Variants in VWC2 observed in about 807,000 individuals in gnomAD.
The protein encoded by VWC2 is brorin.
A neutral mutation model predicts 29.8 loss-of-function variants in VWC2; 14 were observed. That is an observed-to-expected ratio of 0.47 (90% CI 0.31 to 0.74). The LOEUF (loss-of-function observed/expected upper bound fraction) is 0.74. Ranked by LOEUF, VWC2 falls within the 30% of genes least tolerant of loss-of-function variation. VWC2 has a pLI of 0.05. For synonymous variants in VWC2, 213 were observed against 199.0 expected (o/e 1.07, Z -0.59); for missense variants, 457 against 459.8 (o/e 0.99, Z 0.05).
chr7:49,877,237 C>T (rs1232290456), intron 3 of VWC2, among the ~76,000 whole-genome samples: 1 of 150,998 alleles, frequency 6.6e-6, no homozygotes, highest in Non-Finnish European at 1.5e-5. Flanking sequence ...CGAAGCAGGT[C>T]GATCACCTGA....
chr7:49,803,779 T>G (rs1009692974), intron 3 of VWC2, among the ~76,000 whole-genome samples: 7 of 152,120 alleles, frequency 4.6e-5, no homozygotes, highest in African/African-American at 1.2e-4. Context: ...GTCATGGTGC[T>G]CAGACAATTC....
At chr7:49,902,284 TA>T (rs972782736) in intron 3 of VWC2, among the ~76,000 whole-genome samples, 13 of 151,400 alleles carry the variant, frequency 8.6e-5, no homozygotes, top group African/African-American at 9.7e-5. Context: ...GCAAAAGACA[TA>T]AAAAAAACTG....
intron 2 of VWC2, among the ~76,000 whole-genome samples, chr7:49,783,680 A>G (rs1448581782): frequency 1.3e-5 from 2 of 152,206 alleles, no homozygotes; most frequent in African/African-American, 2.4e-5. Flanking sequence ...GAAAAGGATG[A>G]TGTCAGGCCT....
intron 2 of VWC2, among the ~76,000 whole-genome samples, chr7:49,782,169 C>CA (rs1385056191): frequency 2.0e-5 from 3 of 152,216 alleles, no homozygotes; most frequent in African/African-American, 7.2e-5. Flanking sequence ...AGCCATCTGT[C>CA]AGAGCTGGGC....
chr7:49,841,872 C>CT lies in VWC2; in HGVS notation c.826+39043dup, dbSNP rs913175318. Among the ~76,000 whole-genome samples the CT allele has an allele frequency of 6.4e-3, 936 of 146,736 alleles. 9 individuals are homozygous for CT. The highest frequency in any genetic ancestry group is 0.022 in the African/African-American group (868 of 40,172). On this transcript the variant is annotated intron_variant, in intron 3 of 3. Transcript: ENST00000340652. Reference sequence around the variant, plus strand: ...GGAGGAGAATGTTGTAAATTCAACTCTTTTTTTTTTTAAGATGGAGTTTTG... The same window carrying CT: ...GGAGGAGAATGTTGTAAATTCAACTCTTTTTTTTTTTTAAGATGGAGTTTTG...
At position 49,881,127 on chromosome 7, in the gene VWC2, G is replaced by A. The variant is rs140803566; in HGVS notation, c.827-30907G>A. On this transcript the variant is annotated intron_variant, in intron 3 of 3. Coordinates refer to ENST00000340652, the MANE Select transcript of VWC2 (RefSeq NM_198570.5). The stretch of plus-strand genomic sequence containing the variant: ...TCTCTCAGCCTGAGAGGCCAGGTTT[G>A]CGTTTGACTTGTATTCAGTTGTCCT... 6.6e-5 allele frequency among the ~76,000 whole-genome samples: 10 copies of A among 152,236 alleles called. 1 individual carries two copies. Among genetic ancestry groups the A allele is most frequent in the Middle Eastern group, 6.8e-3 (2 of 294 alleles).
chr7:49,870,295 G>C (rs2626346), intron 3 of VWC2, among the ~76,000 whole-genome samples: 1 of 152,120 alleles, frequency 6.6e-6, no homozygotes, highest in Non-Finnish European at 1.5e-5. Flanking sequence ...AGCTACTCGG[G>C]AGGCTGAGGC....
At chr7:49,896,901 T>G (rs1792411195) in intron 3 of VWC2, among the ~76,000 whole-genome samples, 2 of 146,734 alleles carry the variant, frequency 1.4e-5, no homozygotes, top group Non-Finnish European at 3.0e-5. Context: ...TTTTTTTTTT[T>G]TTTTTGAGAC....
intron 3 of VWC2, among the ~76,000 whole-genome samples, chr7:49,857,897 C>A (rs753355334): frequency 6.6e-6 from 1 of 152,256 alleles, no homozygotes; most frequent in African/African-American, 2.4e-5. Flanking sequence ...GGCATCTGAG[C>A]TAAGTTTGGT....
intron 2 of VWC2, among the ~76,000 whole-genome samples, chr7:49,792,458 C>T (rs1297895371): frequency 2.0e-5 from 3 of 152,176 alleles, no homozygotes; most frequent in South Asian, 2.1e-4. Context: ...GCAGTGACTG[C>T]GAGGATTGGT....
At chr7:49,787,694 AAAAG>A (rs1788331511) in intron 2 of VWC2, among the ~76,000 whole-genome samples, 1 of 152,220 alleles carries the variant, frequency 6.6e-6, no homozygotes, top group African/African-American at 2.4e-5. Flanking sequence ...GGTAGGTTGA[AAAAG>A]AATATGGCTT....
chr7:49,807,297 T>C (rs1195505147), intron 3 of VWC2, among the ~76,000 whole-genome samples: 1 of 152,198 alleles, frequency 6.6e-6, no homozygotes, highest in African/African-American at 2.4e-5. Context: ...AAACTGATTC[T>C]AAAATCCAAA....
intron 2 of VWC2, among the ~76,000 whole-genome samples, chr7:49,781,145 T>C (rs1223596752): frequency 1.3e-5 from 2 of 152,228 alleles, no homozygotes; most frequent in African/African-American, 4.8e-5. Flanking sequence ...GGCTAATGCA[T>C]GTACTGTTGC....
At chr7:49,853,525 A>G (rs924690756) in intron 3 of VWC2, among the ~76,000 whole-genome samples, 3 of 151,926 alleles carry the variant, frequency 2.0e-5, no homozygotes, top group Non-Finnish European at 2.9e-5. Context: ...ATAGGTCCTA[A>G]GTTTTTGGTT....
rs1184036343 is a variant in VWC2, at chr7:49,918,254, T to C, written c.*6069T>C. 2 of 152,178 alleles carry C rather than the reference T, an allele frequency of 1.3e-5. No homozygotes were observed. Among genetic ancestry groups the C allele is most frequent in the Non-Finnish European group, 2.9e-5 (2 of 68,038 alleles). The allele number at this position is 152,178 out of a possible 1,614,324, so 9.4% of individuals were successfully genotyped here. A position where few individuals can be genotyped will look rare whatever the true frequency, so the allele number is the denominator to read the frequency against. On this transcript the variant is annotated 3_prime_UTR_variant, in exon 4 of 4. Coordinates refer to ENST00000340652, the MANE Select transcript of VWC2 (RefSeq NM_198570.5). ...TCAGTCTAGTGAATGAGAGGCTGAG[T>C]TAAGAATCCAAATCTGCTTTATATC...
chr7:49,824,093 G>C (rs1789334130), intron 3 of VWC2, among the ~76,000 whole-genome samples: 1 of 151,980 alleles, frequency 6.6e-6, no homozygotes, highest in Admixed American at 6.6e-5. Context: ...AAGAAGAGCA[G>C]AATTTTTTAA....
intron 3 of VWC2, among the ~76,000 whole-genome samples, chr7:49,896,967 C>A (rs1333462739): frequency 6.7e-6 from 1 of 148,814 alleles, no homozygotes; most frequent in Non-Finnish European, 1.5e-5. Flanking sequence ...GCAATCTCGG[C>A]TCACTGCAAG....
At chr7:49,828,813 C>T (rs998182405) in intron 3 of VWC2, among the ~76,000 whole-genome samples, 6 of 152,182 alleles carry the variant, frequency 3.9e-5, no homozygotes, top group Non-Finnish European at 8.8e-5. Flanking sequence ...CCTCCACCAC[C>T]TCCTGGTTGT....
chr7:49,781,835 T>G (rs918503911), intron 2 of VWC2, among the ~76,000 whole-genome samples: 2 of 152,192 alleles, frequency 1.3e-5, no homozygotes, highest in Non-Finnish European at 2.9e-5. Flanking sequence ...AAATAATGTC[T>G]GTGTCCTTCA....
Sources: gnomAD v4.1 joint callset for allele counts (sites outside exome capture counted in the v4.1 genomes callset) on GRCh38, gnomAD v4.1.1 for gene constraint, MANE v1.5 for transcripts, NCBI Gene and HGNC (gene_info 2026-07-23, HGNC 2026-07-21) for gene names.